Variants in KLHDC4 observed in about 807,000 individuals in gnomAD.
The protein encoded by KLHDC4 is kelch domain containing 4, also known as kelch domain-containing protein 4.
KLHDC4 carries 90 observed loss-of-function variants against 62.4 expected under a neutral mutation model. The ratio of observed to expected loss-of-function variants is 1.44; its 90% confidence interval spans 1.22 to 1.72. KLHDC4 has a LOEUF of 1.72. Ranked by LOEUF, KLHDC4 falls within the 40% of genes most tolerant of loss-of-function variation. The pLI is 0.00. For missense variants in KLHDC4, 1,025 were observed against 699.7 expected (o/e 1.47, Z -5.25); for synonymous variants, 386 against 284.4 (o/e 1.36, Z -3.59).
At chr16:87,701,919 T>C in exon 1 of KLHDC4, 2 of 456,198 alleles carry the variant, frequency 4.4e-6, no homozygotes, top group Non-Finnish European at 8.8e-6. Flanking sequence ...ACGTGCTCCC[T>C]CGGGCCCTCC....
intron 2 of KLHDC4, among the ~76,000 whole-genome samples, chr16:87,760,989 T>C (rs1369346216): frequency 6.6e-6 from 1 of 151,082 alleles, no homozygotes; most frequent in Admixed American, 6.6e-5. Flanking sequence ...GCCAAGATCA[T>C]GCCACTGTAC....
intron 5 of KLHDC4, among the ~76,000 whole-genome samples, chr16:87,736,844 G>A (rs1187124431): frequency 6.6e-6 from 1 of 152,116 alleles, no homozygotes; most frequent in African/African-American, 2.4e-5. Context: ...AAGGAAATCG[G>A]CCGGGCGCGG....
intron 7 of KLHDC4, among the ~76,000 whole-genome samples, chr16:87,716,005 G>A (rs1171160125): frequency 6.6e-6 from 1 of 152,124 alleles, no homozygotes; most frequent in Non-Finnish European, 1.5e-5. Context: ...CACATTCTAA[G>A]GTCTTGTGGA....
At chr16:87,738,543 C>A (rs1177458581) in intron 5 of KLHDC4, among the ~76,000 whole-genome samples, 1 of 151,832 alleles carries the variant, frequency 6.6e-6, no homozygotes, top group Non-Finnish European at 1.5e-5. Flanking sequence ...TCCATCCACA[C>A]ACCAGCACCT....
intron 5 of KLHDC4, among the ~76,000 whole-genome samples, chr16:87,732,268 G>C (rs1011148213): frequency 2.0e-5 from 3 of 151,872 alleles, no homozygotes; most frequent in African/African-American, 7.3e-5. Context: ...GCTAATTTTT[G>C]TATTTTTAGT....
At chr16:87,704,140 A>C (rs918884471), downstream of KLHDC4, among the ~76,000 whole-genome samples, 3 of 152,230 alleles carry the variant, frequency 2.0e-5, no homozygotes, top group African/African-American at 4.8e-5. Context: ...GGAAACCATC[A>C]AGCACACGGC....
intron 5 of KLHDC4, among the ~76,000 whole-genome samples, chr16:87,737,883 G>A (rs1251782118): frequency 2.6e-5 from 4 of 151,984 alleles, no homozygotes; most frequent in Non-Finnish European, 4.4e-5. Context: ...GAACCACTGC[G>A]CCCAGCCCAG....
At chr16:87,742,270 CA>C in intron 5 of KLHDC4, among the ~76,000 whole-genome samples, 1 of 152,270 alleles carries the variant, frequency 6.6e-6, no homozygotes, top group East Asian at 1.9e-4. Flanking sequence ...TCCCCTGTAC[CA>C]TCCCCAGCTA....
intron 8 of KLHDC4, among the ~76,000 whole-genome samples, chr16:87,713,942 C>G (rs143259006): frequency 7.2e-5 from 11 of 152,188 alleles, no homozygotes; most frequent in Non-Finnish European, 1.5e-4. Flanking sequence ...TGACAGAGGC[C>G]ACGGCCGTTC....
At chr16:87,736,959 T>C (rs2041421556) in intron 5 of KLHDC4, among the ~76,000 whole-genome samples, 2 of 151,582 alleles carry the variant, frequency 1.3e-5, no homozygotes, top group South Asian at 4.2e-4. Flanking sequence ...ACCCTGCCTC[T>C]TATTAAAAAT....
intron 3 of KLHDC4, chr16:87,755,627 C>T (rs558649095): frequency 2.3e-4 from 48 of 211,700 alleles, no homozygotes; most frequent in South Asian, 1.9e-3. Context: ...AGTGCAATGG[C>T]GCAATCTTTG....
At chr16:87,705,015 G>A (rs1039889702), downstream of KLHDC4, among the ~76,000 whole-genome samples, 6 of 152,246 alleles carry the variant, frequency 3.9e-5, no homozygotes, top group African/African-American at 7.2e-5. Context: ...TGCCAAGCGG[G>A]CCGGCCAGAG....
exon 1 of KLHDC4, chr16:87,700,198 A>T: frequency 6.5e-6 from 1 of 153,680 alleles, no homozygotes; most frequent in Middle Eastern, 9.8e-4. Context: ...GGTCATGCTC[A>T]CTTTCTCTGA....
rs902981881 is a variant in KLHDC4, at chr16:87,714,570, C to T, written c.763G>A (p.Val255Ile). 1 of 1,614,138 alleles carries T rather than the reference C, an allele frequency of 6.2e-7. No homozygotes were observed. The highest frequency in any genetic ancestry group is 8.5e-7 in the Non-Finnish European group (1 of 1,179,970). Residue 255 changes from valine to isoleucine, a missense_variant, in exon 8 of 12, where the codon GTT (valine) becomes ATT (isoleucine). Val to Ile is a conservative substitution (Grantham distance 29). Transcript: ENST00000270583. ...VVYGGYSKQR[V>I]KKDVDKGTRH... ...GTGCCCTTGTCCACGTCTTTCTTAA[C>T]TCTCTGCAATGGAAAGGAATTGTGT... is the stretch of plus-strand genomic sequence containing the variant.
intron 4 of KLHDC4, among the ~76,000 whole-genome samples, chr16:87,754,663 C>T (rs2044571135): frequency 6.6e-6 from 1 of 152,192 alleles, no homozygotes; most frequent in African/African-American, 2.4e-5. Context: ...GGACAGAGTT[C>T]CCATCCTCAC....
At chr16:87,744,651 CAA>C (rs1375120202) in intron 5 of KLHDC4, among the ~76,000 whole-genome samples, 5 of 150,834 alleles carry the variant, frequency 3.3e-5, no homozygotes, top group Admixed American at 2.0e-4. Context: ...ATGAAAAAAG[CAA>C]AGACTTTAAG....
exon 1 of KLHDC4, chr16:87,701,239 G>C (rs1184864705): frequency 4.4e-6 from 1 of 227,936 alleles, no homozygotes; most frequent in African/African-American, 2.3e-5. Context: ...GCGGGGGCTG[G>C]CACCTGGCGC....
intron 4 of KLHDC4, among the ~76,000 whole-genome samples, chr16:87,754,928 G>T (rs976900413): frequency 4.6e-5 from 7 of 152,100 alleles, no homozygotes; most frequent in Non-Finnish European, 8.8e-5. Context: ...TTCTGCCAGT[G>T]GCTGCGACAC....
intron 5 of KLHDC4, chr16:87,739,686 G>A (rs1400905838): frequency 6.5e-6 from 1 of 152,752 alleles, no homozygotes; most frequent in Non-Finnish European, 1.5e-5. Flanking sequence ...CCACGGGAGT[G>A]AAGTGCTGAT....
Sources: gnomAD v4.1 joint callset for allele counts (sites outside exome capture counted in the v4.1 genomes callset) on GRCh38, gnomAD v4.1.1 for gene constraint, MANE v1.5 for transcripts, NCBI Gene and HGNC (gene_info 2026-07-23, HGNC 2026-07-21) for gene names.